Variants in TCTN3 observed in about 807,000 individuals in gnomAD.
TCTN3 encodes the protein tectonic-3.
TCTN3 carries 57 observed loss-of-function variants against 71.3 expected under a neutral mutation model. The observed-to-expected ratio is 0.80, with a 90% CI of 0.65 to 1.00. The LOEUF (loss-of-function observed/expected upper bound fraction) is 1.00. TCTN3 is among the 50% of genes least tolerant of loss of function. The pLI, the probability that TCTN3 is intolerant of heterozygous loss-of-function variation, is 0.00. For missense variants in TCTN3, 696 were observed against 719.9 expected (o/e 0.97, Z 0.38); for synonymous variants, 258 against 267.8 (o/e 0.96, Z 0.36).
chr10:95,683,361 A>G, intron 10 of TCTN3, 161 bp downstream of exon 10: 1 of 1,509,314 alleles, frequency 6.6e-7, no homozygotes, highest in Non-Finnish European at 8.9e-7. Flanking sequence ...CCACAGAGAG[A>G]CAACTAGATT....
At position 95,677,483 on chromosome 10, in the gene TCTN3, G is replaced by GT. The variant is rs1223582407; in HGVS notation, c.1590+2988dup. Among the ~76,000 whole-genome samples the GT allele has an allele frequency of 8.8e-3, 547 of 62,008 alleles. 11 individuals carry two copies. The highest frequency in any genetic ancestry group is 0.039 in the East Asian group (149 of 3,826). The allele number at this position is 62,008 out of a possible 152,430, so 40.7% of individuals were successfully genotyped here. Reference sequence around the variant, plus strand: ...GATAGTGAAGTCTACAGTTTTTTTTGTTTTTTTTTTTTTTTTTTGCTGTAT... The same window carrying GT: ...GATAGTGAAGTCTACAGTTTTTTTTGTTTTTTTTTTTTTTTTTTTGCTGTAT... On this transcript the variant is annotated intron_variant, in intron 13 of 13. Transcript: ENST00000371217.
intron 7 of TCTN3, among the ~76,000 whole-genome samples, chr10:95,686,130 A>G (rs2097948061): frequency 6.6e-6 from 1 of 152,236 alleles, no homozygotes; most frequent in South Asian, 2.1e-4. Flanking sequence ...TGGGAGGCTG[A>G]GGTAGAAGGA....
Position 95,683,137 on chromosome 10 carries a change from T to G in TCTN3, c.1262A>C (p.Gln421Pro), listed in dbSNP as rs755603349. ...TCCAGATATTGCATTCACTCCAAAC[T>G]GCACTTCATGTCTTTTAACAGAGCA... ...GSCSVKRHEV[Q>P]FGVNAISGCK... The change falls in exon 11 of 14, where the codon CAG becomes CCG. Residue 421 changes from glutamine to proline, a missense_variant. By Grantham distance (76) the Gln-to-Pro change is moderately conservative (BLOSUM62 -1). Coordinates refer to ENST00000371217, the MANE Select transcript of TCTN3 (RefSeq NM_015631.6). 1 of 1,614,112 alleles carries G rather than the reference T, an allele frequency of 6.2e-7. No individual in the cohort carries two copies. The highest frequency in any genetic ancestry group is 8.5e-7 in the Non-Finnish European group (1 of 1,180,014).
rs372991715 is a variant in TCTN3 at position 95,683,642 on chromosome 10, G to A, written c.1096-13C>T. ...TCTGTTGAAAAGCCTGCAGAAAGAG[G>A]GAAGAGAAGTCAATTATGGAGATAA... is the stretch of plus-strand genomic sequence containing the variant. On this transcript the variant is annotated splice_polypyrimidine_tract_variant and intron_variant, in intron 9 of 13. Coordinates refer to ENST00000371217, the MANE Select transcript of TCTN3 (RefSeq NM_015631.6). 6.8e-5 allele frequency: 109 copies of A among 1,598,178 alleles called. No individual in the cohort carries two copies. Among genetic ancestry groups the A allele is most frequent in the Non-Finnish European group, 9.1e-5 (107 of 1,170,652 alleles).
chr10:95,684,675 T>A (rs1310707533), intron 8 of TCTN3, 51 bp from the exon 9 acceptor site: 2 of 1,591,734 alleles, frequency 1.3e-6, no homozygotes, highest in South Asian at 2.3e-5. Context: ...GGGCCGAATA[T>A]GTTTAGGACA....
intron 13 of TCTN3, among the ~76,000 whole-genome samples, chr10:95,667,416 A>G (rs1387715505): frequency 3.9e-5 from 6 of 152,246 alleles, no homozygotes; most frequent in African/African-American, 1.4e-4. Context: ...AAAGAAGGCC[A>G]AACCTGAAAG....
In TCTN3 at chr10:95,692,978, A is replaced by T. The variant is rs1316305177; in HGVS notation, c.441T>A (p.Pro147=). ...SVIFRSNSPF[P]SRVFMDSNGI... is the part of the protein sequence containing the mutation. ...CATTAGAATCCATGAAAACTCTTGA[A>T]GGAAACGGGGAATTACTCCTGAAGA... The change falls in exon 3 of 14, where the codon CCT becomes CCA. Residue 147 remains proline (P), a synonymous_variant. Coordinates refer to ENST00000371217, the MANE Select transcript of TCTN3 (RefSeq NM_015631.6). 8 of 1,614,060 alleles carry T rather than the reference A, an allele frequency of 5.0e-6. No homozygotes were observed. Among genetic ancestry groups the T allele is most frequent in the Non-Finnish European group, 6.8e-6 (8 of 1,180,038 alleles).
rs759717531 is a variant in TCTN3, at chr10:95,680,593, G to A, written c.1469C>T (p.Ser490Phe). 3.7e-6 allele frequency: 6 copies of A among 1,613,912 alleles called. No individual in the cohort carries two copies. The highest frequency in any genetic ancestry group is 2.5e-6 in the Non-Finnish European group (3 of 1,179,988). Residue 490 changes from serine (S) to phenylalanine (F), a missense_variant, in exon 13 of 14, where the codon TCC becomes TTC. By Grantham distance (155) the Ser-to-Phe change is radical (BLOSUM62 -2). Transcript: ENST00000371217. ...HCSISAINCT[S>F]CCLIPVSLEI... ...CAGGGAAACTGGTATGAGACAGCAG[G>A]AAGTACAGTTTATAGCCTGCAGAAG...
At chr10:95,679,832 C>A (rs2097941135) in intron 13 of TCTN3, among the ~76,000 whole-genome samples, 1 of 151,928 alleles carries the variant, frequency 6.6e-6, no homozygotes, top group South Asian at 2.1e-4. Context: ...CCTCGTGATC[C>A]GCCCGCCTCG....
intron 13 of TCTN3, among the ~76,000 whole-genome samples, chr10:95,676,595 T>G (rs561419484): frequency 2.1e-4 from 32 of 152,194 alleles, no homozygotes; most frequent in Non-Finnish European, 4.1e-4. Context: ...AAAACTTTTG[T>G]GTCTATTTTA....
At position 95,693,358 on chromosome 10, in the gene TCTN3, G is replaced by A. The variant is rs2097955473; in HGVS notation, c.375C>T (p.Ser125=). 11 of 1,551,808 alleles carry A rather than the reference G, an allele frequency of 7.1e-6. No homozygotes were observed. Among genetic ancestry groups the A allele is most frequent in the Non-Finnish European group, 7.0e-6 (8 of 1,146,992 alleles). ...GTCTGAGCAACGAAGCTCACCTTAC[G>A]CTGCCTGGAAGGCAGAAGGAGAAAA... ...RTVFSFCLPG[S]VRSSSWVCVD... is the part of the protein sequence containing the mutation. Residue 125 remains serine, a synonymous_variant, in exon 2 of 14, where the codon AGC becomes AGT. Coordinates refer to ENST00000371217, the MANE Select transcript of TCTN3 (RefSeq NM_015631.6).
chr10:95,673,190 G>A (rs1327384859), intron 13 of TCTN3, among the ~76,000 whole-genome samples: 2 of 152,066 alleles, frequency 1.3e-5, no homozygotes, highest in East Asian at 3.8e-4. Context: ...TTTTGCTAAA[G>A]TCTAATTTAT....
chr10:95,677,493 T>G (rs1187305908), intron 13 of TCTN3, among the ~76,000 whole-genome samples: 4 of 148,928 alleles, frequency 2.7e-5, no homozygotes, highest in Non-Finnish European at 5.9e-5. Flanking sequence ...GTTTTTTTTT[T>G]TTTTTTTTGC....
chr10:95,669,138 G>C (rs2097928445), intron 13 of TCTN3, among the ~76,000 whole-genome samples: 1 of 152,152 alleles, frequency 6.6e-6, no homozygotes, highest in South Asian at 2.1e-4. Flanking sequence ...TAGTGGGGGG[G>C]TAGGAGGAAA....
intron 13 of TCTN3, among the ~76,000 whole-genome samples, chr10:95,670,539 T>A (rs901406213): frequency 6.5e-4 from 99 of 151,562 alleles, no homozygotes; most frequent in African/African-American, 2.2e-3. Context: ...TTTGTATATT[T>A]TTTTTTTTAG....
In TCTN3 at chr10:95,677,474, G is replaced by GTTTTTTTTTTTTTTTTTTTTTTTTT. The variant is rs10654251; in HGVS notation, c.1590+2997_1590+2998insAAAAAAAAAAAAAAAAAAAAAAAAA. On this transcript the variant is annotated intron_variant, in intron 13 of 13. Coordinates refer to ENST00000371217, the MANE Select transcript of TCTN3 (RefSeq NM_015631.6). The stretch of plus-strand genomic sequence containing the variant: ...ATACAAGAAGATAGTGAAGTCTACA[G>GTTTTTTTTTTTTTTTTTTTTTTTTT]TTTTTTTTGTTTTTTTTTTTTTTTT... 2.4e-4 allele frequency among the ~76,000 whole-genome samples: 19 copies of GTTTTTTTTTTTTTTTTTTTTTTTTT among 80,760 alleles called. 3 individuals carry two copies. The highest frequency in any genetic ancestry group is 3.0e-4 in the Non-Finnish European group (10 of 33,246). The allele number at this position is 80,760 out of a possible 152,430, so 53.0% of individuals were successfully genotyped here.
chr10:95,675,972 T>G (rs980976737), intron 13 of TCTN3, among the ~76,000 whole-genome samples: 1 of 152,352 alleles, frequency 6.6e-6, no homozygotes, highest in Non-Finnish European at 1.5e-5. Context: ...TAGTGTTAAA[T>G]AGATTCTCTC....
intron 4 of TCTN3, 60 bp from the exon 5 acceptor site, chr10:95,687,415 A>G: frequency 2.0e-6 from 3 of 1,528,482 alleles, no homozygotes; most frequent in Non-Finnish European, 2.7e-6. Flanking sequence ...TACAACAGAA[A>G]AGAAAGAGTA....
At position 95,687,363 on chromosome 10, in the gene TCTN3, A is replaced by C. The variant is rs777930171; in HGVS notation, c.628-8T>G. On this transcript the variant is annotated splice_region_variant and splice_polypyrimidine_tract_variant and intron_variant, in intron 4 of 13. Coordinates refer to ENST00000371217, the MANE Select transcript of TCTN3 (RefSeq NM_015631.6). ...AAGAATGGGGTCCCCAGCCTGAATA[A>C]AATATAAAAGAAACTTTGTTCACAG... The C allele has an allele frequency of 6.3e-7, 1 of 1,596,854 alleles. No individual in the cohort carries two copies. Among genetic ancestry groups the C allele is most frequent in the Non-Finnish European group, 8.5e-7 (1 of 1,174,384 alleles).
Sources: allele counts gnomAD v4.1 joint callset (sites outside exome capture counted in the v4.1 genomes callset), GRCh38; gene constraint gnomAD v4.1.1; transcripts MANE v1.5; gene names NCBI Gene and HGNC (gene_info 2026-07-23, HGNC 2026-07-21).